The following CROCC2 variants were observed in gnomAD, a reference collection of about 807,000 sequenced individuals.
CROCC2 encodes ciliary rootlet coiled-coil, rootletin family member 2.
CROCC2 carries 163 observed loss-of-function variants against 177.6 expected under a neutral mutation model. The ratio of observed to expected loss-of-function variants is 0.92; its 90% CI spans 0.81 to 1.05. The LOEUF is 1.05. Ranked by LOEUF, CROCC2 falls within the 50% of genes least tolerant of loss-of-function variation. The pLI, the probability that CROCC2 is intolerant of heterozygous loss-of-function variation, is 0.00. For missense variants in CROCC2, 1,929 were observed against 1,797.8 expected (o/e 1.07, Z -1.32); for synonymous variants, 904 against 787.3 (o/e 1.15, Z -2.48).
intron 18 of CROCC2, among the ~76,000 whole-genome samples, chr2:240,951,678 ACCATCCAT>A (rs1553659727): frequency 1.3e-5 from 2 of 148,498 alleles, no homozygotes; most frequent in Admixed American, 1.3e-4. Flanking sequence ...AACCCATCTG[ACCATCCAT>A]CCATCCATCC....
chr2:240,955,491 A>T, intron 18 of CROCC2: 1 of 202,372 alleles, frequency 4.9e-6, no homozygotes, highest in Non-Finnish European at 1.0e-5. Flanking sequence ...GCACTGCATC[A>T]AGTGTTGCCT....
intron 14 of CROCC2, among the ~76,000 whole-genome samples, chr2:240,936,587 C>T (rs1298068647): frequency 1.3e-5 from 2 of 152,302 alleles, no homozygotes; most frequent in East Asian, 3.9e-4. Context: ...TACTCATCCA[C>T]CTGTTGCTGG....
chr2:240,976,214 CTGG>C (rs2059763777), intron 27 of CROCC2, among the ~76,000 whole-genome samples: 1 of 140,616 alleles, frequency 7.1e-6, no homozygotes, highest in Admixed American at 7.0e-5. Flanking sequence ...GTAGGAGCCT[CTGG>C]AGCCCAGGCT....
At chr2:240,985,672 G>A (rs1472266734) in intron 28 of CROCC2, among the ~76,000 whole-genome samples, 6 of 54,612 alleles carry the variant, frequency 1.1e-4, no homozygotes, top group Non-Finnish European at 1.9e-4. Context: ...CACACACCCA[G>A]GCACTCACTC....
chr2:240,938,582 A>G (rs1247082969), intron 14 of CROCC2, among the ~76,000 whole-genome samples: 3 of 152,172 alleles, frequency 2.0e-5, no homozygotes, highest in Non-Finnish European at 4.4e-5. Context: ...TCATCTTGTC[A>G]ATTTCTTCTT....
Position 240,929,812 on chromosome 2 carries a change from G to A in CROCC2, c.646-354G>A, listed in dbSNP as rs149128107. 9.9e-3 allele frequency: 4,843 copies of A among 490,080 alleles called. 47 individuals are homozygous for A. Among genetic ancestry groups the A allele is most frequent in the Admixed American group, 0.015 (642 of 42,984 alleles). 30.4% of individuals were successfully genotyped at this position (490,080 alleles called of 1,614,324 possible). A position where few individuals can be genotyped will look rare whatever the true frequency, so the allele number is the denominator to read the frequency against. Reference sequence around the variant, plus strand: ...CCAGCAGGGGCCAGGCCTGGTTCTGGGGTGTTCCAAGCCTGAGCAGTTCCT... The same window carrying A: ...CCAGCAGGGGCCAGGCCTGGTTCTGAGGTGTTCCAAGCCTGAGCAGTTCCT... On this transcript the variant is annotated intron_variant, in intron 5 of 31. Coordinates refer to ENST00000690015, the MANE Select transcript of CROCC2 (RefSeq NM_001351305.2).
chr2:240,954,502 A>G (rs2059577870), intron 18 of CROCC2: 1 of 152,094 alleles, frequency 6.6e-6, no homozygotes, highest in South Asian at 2.1e-4. Flanking sequence ...AGAAGAGGAG[A>G]CACACAGGCA....
chr2:240,934,564 C>A, intron 12 of CROCC2, 89 bp downstream of exon 12: 1 of 1,328,816 alleles, frequency 7.5e-7, no homozygotes, highest in Non-Finnish European at 1.0e-6. Flanking sequence ...CTCCCTCTCT[C>A]CTGCCTGCCG....
chr2:240,930,274 G>A lies in CROCC2; in HGVS notation c.749+5G>A. Reference sequence around the variant, plus strand: ...GCTGCGTGTAGCCACTGAGAGGTGAGTGCCAGCCGCCCCACCTGGGGCCAG... The same window carrying A: ...GCTGCGTGTAGCCACTGAGAGGTGAATGCCAGCCGCCCCACCTGGGGCCAG... On this transcript the variant is annotated splice_donor_5th_base_variant and intron_variant, in intron 6 of 31. Transcript: ENST00000690015. The A allele has an allele frequency of 1.9e-6, 1 of 517,132 alleles. No homozygotes were observed. Among genetic ancestry groups the A allele is most frequent in the South Asian group, 3.0e-5 (1 of 33,386 alleles). 32.0% of individuals were successfully genotyped at this position (517,132 alleles called of 1,614,324 possible).
rs1010506643 is a variant in CROCC2, at chr2:240,972,263, G to T, written c.4401+4001G>T. ...AGAAAGGCAGAGAGAAGGGTTCCAA[G>T]ATCCTGCAGCCACAGGGAGCCATGG... On this transcript the variant is annotated intron_variant, in intron 27 of 31. Coordinates refer to ENST00000690015, the MANE Select transcript of CROCC2 (RefSeq NM_001351305.2). The surrounding 1 kb of genome is among the most constrained non-coding windows in gnomAD (Gnocchi z 7.1). Among the ~76,000 whole-genome samples the T allele has an allele frequency of 2.0e-5, 3 of 152,186 alleles. No individual in the cohort carries two copies. Among genetic ancestry groups the T allele is most frequent in the African/African-American group, 7.2e-5 (3 of 41,434 alleles).
chr2:240,939,565 C>T (rs1423472948), intron 14 of CROCC2, among the ~76,000 whole-genome samples: 1 of 152,040 alleles, frequency 6.6e-6, no homozygotes, highest in East Asian at 1.9e-4. Context: ...ATTGGTATTA[C>T]TTATTTCTTA....
Position 240,934,959 on chromosome 2 carries a change from TG to T in CROCC2, c.1836del (p.Lys613SerfsTer17). 6.6e-7 allele frequency: 1 copy of T among 1,518,020 alleles called. No homozygotes were observed. Among genetic ancestry groups the T allele is most frequent in the Non-Finnish European group, 8.8e-7 (1 of 1,131,830 alleles). The allele number at this position is 1,518,020 out of a possible 1,614,324, so 94.0% of individuals were successfully genotyped here. On this transcript the variant is annotated frameshift_variant, in exon 13 of 32. Transcript: ENST00000690015. LOFTEE classifies it high-confidence loss of function. ...NADLELLVRRLKSEGVEQRDS... is the reference protein window; with the variant it reads ...NADLELLVRRXKSEGVEQRDS... ...GACCTGGAGCTTCTTGTGAGGCGGCTGAAGTCGGAGGGAGTGGAGCAAAGGG... is the reference window on the plus strand; with the variant it reads ...GACCTGGAGCTTCTTGTGAGGCGGCTAAGTCGGAGGGAGTGGAGCAAAGGG...
intron 1 of CROCC2, among the ~76,000 whole-genome samples, chr2:240,914,347 T>C: frequency 6.6e-6 from 1 of 152,146 alleles, no homozygotes; most frequent in African/African-American, 2.4e-5. Context: ...GCCAGGACAA[T>C]GGATGTGAAA....
intron 1 of CROCC2, among the ~76,000 whole-genome samples, chr2:240,909,459 G>A (rs967681061): frequency 1.3e-5 from 2 of 152,236 alleles, no homozygotes; most frequent in Admixed American, 6.5e-5. Flanking sequence ...GTGAATGGAG[G>A]CTGGAGAGCC....
Position 240,933,166 on chromosome 2 carries a change from G to C in CROCC2, c.1287G>C (p.Leu429=). 1 of 1,550,072 alleles carries C rather than the reference G, an allele frequency of 6.5e-7. No homozygotes were observed. Residue 429 remains leucine (L), a synonymous_variant, in exon 10 of 32, where the codon CTG becomes CTC. Coordinates refer to ENST00000690015, the MANE Select transcript of CROCC2 (RefSeq NM_001351305.2). ...LCLQLKSSQA[L]VASLQEQLSE... ...TGCAGCTGAAGTCCTCCCAGGCACT[G>C]GTGGCCAGTCTCCAGGAGCAGCTGT...
intron 20 of CROCC2, chr2:240,963,311 G>C: frequency 3.9e-6 from 2 of 513,526 alleles, no homozygotes; most frequent in Non-Finnish European, 3.5e-6. Context: ...CGTGGGGCCG[G>C]GCCCAGGGGC....
Position 240,933,787 on chromosome 2 carries a change from G to A in CROCC2, c.1581G>A (p.Leu527=). 1.3e-6 allele frequency: 2 copies of A among 1,549,140 alleles called. No individual in the cohort carries two copies. Among genetic ancestry groups the A allele is most frequent in the Non-Finnish European group, 1.7e-6 (2 of 1,146,770 alleles). ...EAAELQRSLL[L]QAERREELAL... is the part of the protein sequence containing the mutation. ...CAGAGCTGCAGAGAAGCCTCCTGCT[G>A]CAGGCAGAGCGGAGGGAGGAGCTGG... Residue 527 remains leucine (L), a synonymous_variant, in exon 11 of 32, where the codon CTG becomes CTA. Coordinates refer to ENST00000690015, the MANE Select transcript of CROCC2 (RefSeq NM_001351305.2).
chr2:240,984,542 GGCAC>G (rs2059822916), intron 28 of CROCC2, among the ~76,000 whole-genome samples: 1 of 106,774 alleles, frequency 9.4e-6, no homozygotes, highest in East Asian at 2.9e-4. Flanking sequence ...CACACACCCA[GGCAC>G]TCACTCCACA....
chr2:240,967,826 C>G (rs977599928), intron 26 of CROCC2, among the ~76,000 whole-genome samples: 1 of 151,914 alleles, frequency 6.6e-6, no homozygotes, highest in African/African-American at 2.4e-5. Context: ...GACAGCCACA[C>G]GGCTCTCCCC....
Sources: allele counts gnomAD v4.1 joint callset (sites outside exome capture counted in the v4.1 genomes callset), GRCh38; gene constraint gnomAD v4.1.1; non-coding constraint Gnocchi (gnomAD v3.1); transcripts MANE v1.5; gene names NCBI Gene and HGNC (gene_info 2026-07-23, HGNC 2026-07-21).